GPR39: variants seen among roughly 807,000 people sequenced by gnomAD.
GPR39 encodes zinc sensing receptor.
GPR39 carries 23 observed loss-of-function variants against 18.4 expected under a neutral mutation model. That is an observed-to-expected ratio of 1.25 (90% CI 0.90 to 1.77). GPR39 has a LOEUF of 1.77. Ranked by LOEUF, GPR39 falls within the 40% of genes most tolerant of loss-of-function variation. GPR39 has a pLI of 0.00. For missense variants in GPR39, 647 were observed against 602.4 expected (o/e 1.07, Z -0.78); for synonymous variants, 280 against 257.9 (o/e 1.09, Z -0.82).
intron 1 of GPR39, among the ~76,000 whole-genome samples, chr2:132,494,093 G>A (rs114441158): frequency 0.01 from 1,525 of 152,224 alleles, 30 homozygotes; most frequent in African/African-American, 0.035. Context: ...AGGGAGTAGG[G>A]AAAGCATGTA....
intron 1 of GPR39, among the ~76,000 whole-genome samples, chr2:132,504,672 G>C (rs535485217): frequency 6.6e-6 from 1 of 152,124 alleles, no homozygotes; most frequent in Admixed American, 6.5e-5. Flanking sequence ...GGCATTTTGT[G>C]TGGCATATTT....
chr2:132,624,506 A>G (rs1054331668), intron 1 of GPR39, among the ~76,000 whole-genome samples: 3 of 152,234 alleles, frequency 2.0e-5, no homozygotes, highest in African/African-American at 7.2e-5. Flanking sequence ...AAAAGTGCAC[A>G]CATTAGATGT....
At chr2:132,471,414 T>C (rs1442970517) in intron 1 of GPR39, among the ~76,000 whole-genome samples, 3 of 152,204 alleles carry the variant, frequency 2.0e-5, no homozygotes, top group African/African-American at 4.8e-5. Context: ...GAAGCTTTAC[T>C]GTATCCACTA....
chr2:132,449,929 C>T (rs1680604211), intron 1 of GPR39, among the ~76,000 whole-genome samples: 1 of 152,168 alleles, frequency 6.6e-6, no homozygotes, highest in African/African-American at 2.4e-5. Context: ...GGTACAATCT[C>T]CTACAGGCCC....
intron 1 of GPR39, among the ~76,000 whole-genome samples, chr2:132,468,768 T>TCTG (rs1680976358): frequency 6.6e-6 from 1 of 152,150 alleles, no homozygotes. Context: ...CAGTCACTGG[T>TCTG]GCAGGTCGTT....
At chr2:132,521,229 T>C (rs1305466092) in intron 1 of GPR39, among the ~76,000 whole-genome samples, 2 of 152,224 alleles carry the variant, frequency 1.3e-5, no homozygotes, top group South Asian at 4.1e-4. Context: ...ACGTGGGCAC[T>C]GCTAGCTGTA....
chr2:132,537,704 T>C (rs996276342), intron 1 of GPR39, among the ~76,000 whole-genome samples: 2 of 152,094 alleles, frequency 1.3e-5, no homozygotes, highest in Non-Finnish European at 2.9e-5. Flanking sequence ...TTCAGTCTTT[T>C]TAACATAGTC....
At chr2:132,505,808 G>A (rs1465177735) in intron 1 of GPR39, among the ~76,000 whole-genome samples, 1 of 152,174 alleles carries the variant, frequency 6.6e-6, no homozygotes, top group East Asian at 1.9e-4. Context: ...TCCATTGGTG[G>A]ACACTTAGGC....
intron 1 of GPR39, among the ~76,000 whole-genome samples, chr2:132,595,484 G>T (rs1680925683): frequency 6.6e-6 from 1 of 152,050 alleles, no homozygotes; most frequent in African/African-American, 2.4e-5. Flanking sequence ...GTGTGGCCTG[G>T]TGACCTAGTT....
chr2:132,542,760 G>A (rs1385252382), intron 1 of GPR39, among the ~76,000 whole-genome samples: 1 of 151,656 alleles, frequency 6.6e-6, no homozygotes, highest in Non-Finnish European at 1.5e-5. Context: ...ACAGAAGCTT[G>A]GGTTATGGGT....
intron 1 of GPR39, among the ~76,000 whole-genome samples, chr2:132,552,833 CATAT>C (rs57116386): frequency 3.6e-5 from 5 of 139,882 alleles, no homozygotes; most frequent in Admixed American, 7.2e-5. Context: ...TATATATATA[CATAT>C]ATATATATAC....
At chr2:132,584,295 C>G (rs1680683000) in intron 1 of GPR39, among the ~76,000 whole-genome samples, 1 of 152,096 alleles carries the variant, frequency 6.6e-6, no homozygotes, top group Admixed American at 6.6e-5. Context: ...AGCAGCATCC[C>G]CGAAAGGCCT....
chr2:132,588,041 A>G (rs1680762434), intron 1 of GPR39, among the ~76,000 whole-genome samples: 2 of 152,190 alleles, frequency 1.3e-5, no homozygotes, highest in African/African-American at 4.8e-5. Context: ...CTCATGGAGT[A>G]TAGGATCTTG....
At chr2:132,448,714 A>G (rs1680581382) in intron 1 of GPR39, among the ~76,000 whole-genome samples, 1 of 152,152 alleles carries the variant, frequency 6.6e-6, no homozygotes, top group Non-Finnish European at 1.5e-5. Flanking sequence ...ATGATACTTT[A>G]TTTCATATTT....
intron 1 of GPR39, among the ~76,000 whole-genome samples, chr2:132,468,278 C>G (rs966727668): frequency 6.6e-6 from 1 of 152,078 alleles, no homozygotes; most frequent in African/African-American, 2.4e-5. Context: ...CCTTCTAGAC[C>G]AGGAAAAGAA....
intron 1 of GPR39, among the ~76,000 whole-genome samples, chr2:132,537,291 T>C (rs747392275): frequency 1.3e-5 from 2 of 152,150 alleles, no homozygotes; most frequent in African/African-American, 2.4e-5. Flanking sequence ...AGCATTTGCT[T>C]ATCTGGAAAG....
intron 1 of GPR39, among the ~76,000 whole-genome samples, chr2:132,469,470 T>A (rs1260214141): frequency 6.6e-6 from 1 of 152,232 alleles, no homozygotes; most frequent in Non-Finnish European, 1.5e-5. Context: ...CTTTATTGCC[T>A]CTGCAGGCCA....
chr2:132,425,130 A>G (rs11889559), intron 1 of GPR39, among the ~76,000 whole-genome samples: 31,508 of 152,124 alleles, frequency 0.21, 3,374 homozygotes, highest in African/African-American at 0.23. Flanking sequence ...CTCCCATGAC[A>G]AAACTTCCTA....
At chr2:132,441,933 T>C (rs986646721) in intron 1 of GPR39, among the ~76,000 whole-genome samples, 3 of 152,206 alleles carry the variant, frequency 2.0e-5, no homozygotes, top group African/African-American at 7.2e-5. Context: ...ATGATTTTGC[T>C]CCAGTTCCTA....
Sources: gnomAD v4.1 joint callset for allele counts (sites outside exome capture counted in the v4.1 genomes callset) on GRCh38, gnomAD v4.1.1 for gene constraint, MANE v1.5 for transcripts, NCBI Gene and HGNC (gene_info 2026-07-23, HGNC 2026-07-21) for gene names.